Variants in DPYSL4 observed in about 807,000 individuals in gnomAD.
The protein encoded by DPYSL4 is dihydropyrimidinase-related protein 4.
Under a neutral mutation model 63.4 loss-of-function variants are expected in DPYSL4, and 43 were observed. The ratio of observed to expected loss-of-function variants is 0.68; its 90% CI spans 0.53 to 0.88. The LOEUF (loss-of-function observed/expected upper bound fraction) is 0.88. DPYSL4 is among the 40% of genes least tolerant of loss of function. The pLI, the probability that DPYSL4 is intolerant of heterozygous loss-of-function variation, is 0.00. For synonymous variants in DPYSL4, 353 were observed against 331.7 expected, an observed-to-expected ratio of 1.06 and a Z score of -0.70; for missense variants, 733 against 819.5, an observed-to-expected ratio of 0.89 and a Z score of 1.29.
rs572041318 is a variant in DPYSL4, at chr10:132,188,577, G to A, written c.39+1475G>A. ...CAGCTGGGACTGGGCAGGAGGAGGAGAGGTGCAGCGGCTGGGAACAGACAG... is the reference window on the plus strand; with the variant it reads ...CAGCTGGGACTGGGCAGGAGGAGGAAAGGTGCAGCGGCTGGGAACAGACAG... On this transcript the variant is annotated intron_variant, in intron 1 of 13. Coordinates refer to ENST00000338492, the MANE Select transcript of DPYSL4 (RefSeq NM_006426.3). Among the ~76,000 whole-genome samples the A allele has an allele frequency of 2.6e-5, 4 of 152,324 alleles. No homozygotes were observed. In the East Asian group the frequency reaches 7.7e-4, roughly 29 times the overall value.
At chr10:132,194,507 C>T (rs1463397410) in intron 3 of DPYSL4, among the ~76,000 whole-genome samples, 1 of 152,238 alleles carries the variant, frequency 6.6e-6, no homozygotes, top group East Asian at 1.9e-4. Context: ...CCCAGCCTGA[C>T]AGGAGCTGGA....
intron 2 of DPYSL4, chr10:132,192,187 C>G (rs1277778205): frequency 1.2e-5 from 5 of 415,536 alleles, no homozygotes; most frequent in Non-Finnish European, 1.3e-5. Flanking sequence ...CTGGTGGCCA[C>G]TGTCAGAGCC....
intron 12 of DPYSL4, among the ~76,000 whole-genome samples, chr10:132,203,331 C>T (rs1219591541): frequency 6.6e-6 from 1 of 152,160 alleles, no homozygotes; most frequent in East Asian, 1.9e-4. Flanking sequence ...CCACGCTTGC[C>T]CGGCATCATC....
At chr10:132,187,242 T>C (rs2061808384) in intron 1 of DPYSL4, 140 bp downstream of exon 1, 2 of 541,072 alleles carry the variant, frequency 3.7e-6, no homozygotes, top group Admixed American at 7.4e-5. Context: ...GCGCCCGCCC[T>C]TCCCTGCTCG....
At chr10:132,202,948 C>G (rs770715684) in intron 12 of DPYSL4, 123 bp downstream of exon 12, 1 of 1,213,204 alleles carries the variant, frequency 8.2e-7, no homozygotes, top group Non-Finnish European at 1.1e-6. Flanking sequence ...AGAGCGGGGC[C>G]GCTGCTTGCC....
At chr10:132,190,320 C>T (rs1051450386) in intron 1 of DPYSL4, among the ~76,000 whole-genome samples, 4 of 152,214 alleles carry the variant, frequency 2.6e-5, no homozygotes, top group East Asian at 1.9e-4. Flanking sequence ...CAGCTCCGTC[C>T]GCTCCCAGCC....
In DPYSL4 at chr10:132,200,457, CCCCCTGTCAA is replaced by C; in HGVS notation, c.917_926del (p.Pro306GlnfsTer20). The C allele has an allele frequency of 1.2e-6, 2 of 1,613,416 alleles. No individual in the cohort carries two copies. The highest frequency in any genetic ancestry group is 1.7e-6 in the Non-Finnish European group (2 of 1,179,860). ...CAAGGCCGCAGCCTTCGTCACATCACCCCCTGTCAACCCAGACCCCACCACGGCGGACCAC... is the reference window on the plus strand; with the variant it reads ...CAAGGCCGCAGCCTTCGTCACATCACCCCAGACCCCACCACGGCGGACCAC... On this transcript the variant is annotated frameshift_variant, in exon 9 of 14. Coordinates refer to ENST00000338492, the MANE Select transcript of DPYSL4 (RefSeq NM_006426.3). LOFTEE classifies it high-confidence loss of function.
chr10:132,204,891 A>C lies in DPYSL4; in HGVS notation c.1680A>C (p.Ala560=), dbSNP rs1474728921. ...IARRTAQKIM[A]PPGGRSNITS... is the part of the protein sequence containing the mutation. ...GACGCACAGCACAGAAGATCATGGC[A>C]CCACCTGGCGGCCGCTCCAACATCA... Residue 560 remains alanine, a synonymous_variant, in exon 14 of 14, where the codon GCA becomes GCC. Transcript: ENST00000338492. 5.6e-6 allele frequency: 9 copies of C among 1,612,448 alleles called. No homozygotes were observed. Among genetic ancestry groups the C allele is most frequent in the Non-Finnish European group, 7.6e-6 (9 of 1,179,158 alleles).
At position 132,187,001 on chromosome 10, in the gene DPYSL4, GCCCGCCCGCCCGCCCGCCC is replaced by G; in HGVS notation, c.-62_-44del. 1 of 33,388 alleles carries G rather than the reference GCCCGCCCGCCCGCCCGCCC, an allele frequency of 3.0e-5. No homozygotes were observed. The highest frequency in any genetic ancestry group is 1.5e-4 in the South Asian group (1 of 6,642). 2.1% of individuals were successfully genotyped at this position (33,388 alleles called of 1,614,324 possible). A position where few individuals can be genotyped will look rare whatever the true frequency, so the allele number is the denominator to read the frequency against. ...CGCGTCCCGGCTCACGCGTCCCCCC[GCCCGCCCGCCCGCCCGCCC>G]GCCCCCGCTTGTGCCGCCCCTACCA... is the stretch of plus-strand genomic sequence containing the variant. On this transcript the variant is annotated 5_prime_UTR_variant, in exon 1 of 14. Transcript: ENST00000338492.
chr10:132,196,416 A>G (rs994611500), intron 4 of DPYSL4, among the ~76,000 whole-genome samples: 14 of 152,234 alleles, frequency 9.2e-5, no homozygotes, highest in African/African-American at 3.4e-4. Context: ...TGGGGCTCCA[A>G]GGCCCTGCAG....
rs1017165090 is a variant in DPYSL4 at position 132,202,132 on chromosome 10, T to C, written c.1281+16T>C. On this transcript the variant is annotated intron_variant, in intron 11 of 13. Coordinates refer to ENST00000338492, the MANE Select transcript of DPYSL4 (RefSeq NM_006426.3). The stretch of plus-strand genomic sequence containing the variant: ...CCACAATCTGGTAAGAGAAGGCGGC[T>C]GTAAGTCAGGGTTGGCCTTTGTGGG... 17 of 1,607,644 alleles carry C rather than the reference T, an allele frequency of 1.1e-5. No homozygotes were observed. The African/African-American group carries it at 1.7e-4, about 16-fold the overall frequency.
chr10:132,190,381 T>C (rs2061857626), intron 1 of DPYSL4, among the ~76,000 whole-genome samples: 1 of 152,222 alleles, frequency 6.6e-6, no homozygotes, highest in Non-Finnish European at 1.5e-5. Context: ...TCTCTGAGGC[T>C]GCACAGGAGG....
In DPYSL4 at chr10:132,205,036, A is replaced by T; in HGVS notation, c.*106A>T. 1.0e-6 allele frequency: 1 copy of T among 958,786 alleles called. No individual in the cohort carries two copies. Among genetic ancestry groups the T allele is most frequent in the Non-Finnish European group, 1.5e-6 (1 of 667,014 alleles). 59.4% of individuals were successfully genotyped at this position (958,786 alleles called of 1,614,324 possible). A position where few individuals can be genotyped will look rare whatever the true frequency, so the allele number is the denominator to read the frequency against. ...CATTTTCTTTTGTAGAAGTTTCTCG[A>T]AGGTGCTTGGCGGTCTTGCCTTCCC... On this transcript the variant is annotated 3_prime_UTR_variant, in exon 14 of 14. Transcript: ENST00000338492.
chr10:132,198,716 C>T (rs1467033018), intron 7 of DPYSL4, 135 bp from the exon 8 acceptor site: 2 of 1,382,464 alleles, frequency 1.4e-6, no homozygotes, highest in African/African-American at 1.4e-5. Flanking sequence ...GGCACTGAGC[C>T]CGAGGCTGGG....
At chr10:132,204,497 G>A (rs902627) in intron 13 of DPYSL4, among the ~76,000 whole-genome samples, 72,097 of 152,016 alleles carry the variant, frequency 0.47, 17,634 homozygotes, top group Admixed American at 0.59. Flanking sequence ...CTGAGAACCC[G>A]GCACTGTCTG....
Position 132,204,855 on chromosome 10 carries a change from C to A in DPYSL4, c.1644C>A (p.Asp548Glu). The A allele has an allele frequency of 1.2e-6, 2 of 1,611,788 alleles. No individual in the cohort carries two copies. Among genetic ancestry groups the A allele is most frequent in the South Asian group, 2.2e-5 (2 of 90,818 alleles). Residue 548 changes from aspartate to glutamate, a missense_variant, in exon 14 of 14, where the codon GAC (aspartate) becomes GAA (glutamate). Physicochemically the swap from Asp to Glu is conservative, Grantham distance 45. Coordinates refer to ENST00000338492, the MANE Select transcript of DPYSL4 (RefSeq NM_006426.3). ...GFSLSGSQAD[D>E]HIARRTAQKI... ...TTTCTTCAGGGTCTCAGGCTGATGA[C>A]CACATCGCCCGACGCACAGCACAGA...
chr10:132,204,438 T>C (rs943377921), intron 13 of DPYSL4, among the ~76,000 whole-genome samples: 1 of 152,078 alleles, frequency 6.6e-6, no homozygotes, highest in Non-Finnish European at 1.5e-5. Context: ...AGGAAGGTGA[T>C]AGCAAAGCCC....
Position 132,187,027 on chromosome 10 carries a change from GCT to G in DPYSL4, c.-36_-35del. On this transcript the variant is annotated 5_prime_UTR_variant, in exon 1 of 14. Transcript: ENST00000338492. ...CCCGCCCGCCCGCCCGCCCGCCCCC[GCT>G]TGTGCCGCCCCTACCAGAGACCCCC... 6.4e-6 allele frequency: 1 copy of G among 155,582 alleles called. No homozygotes were observed. 9.6% of individuals were successfully genotyped at this position (155,582 alleles called of 1,614,324 possible).
intron 4 of DPYSL4, among the ~76,000 whole-genome samples, chr10:132,196,328 CCTT>C (rs1354821099): frequency 3.3e-5 from 5 of 152,226 alleles, no homozygotes; most frequent in African/African-American, 1.2e-4. Context: ...AGCCCCTCAT[CCTT>C]CTGCTCGTCC....
Sources: gnomAD v4.1 joint callset for allele counts (sites outside exome capture counted in the v4.1 genomes callset) on GRCh38, gnomAD v4.1.1 for gene constraint, MANE v1.5 for transcripts, NCBI Gene and HGNC (gene_info 2026-07-23, HGNC 2026-07-21) for gene names.